The following DNAI3 variants were observed in gnomAD, a reference collection of about 807,000 sequenced individuals.
The protein encoded by DNAI3 is dynein axonemal intermediate chain 3.
A neutral mutation model predicts 115.5 loss-of-function variants in DNAI3; 83 were observed. The observed-to-expected ratio is 0.72, with a 90% confidence interval of 0.60 to 0.86. The LOEUF (loss-of-function observed/expected upper bound fraction) is 0.86, where lower values mean the gene tolerates loss of function less well. Among genes scored for constraint, DNAI3 ranks in the 40% least tolerant of loss-of-function variants. The pLI is 0.00. For synonymous variants in DNAI3, 320 were observed against 347.0 expected (o/e 0.92, Z 0.86); for missense variants, 1,004 against 1,075.8 (o/e 0.93, Z 0.93).
intron 3 of DNAI3, 117 bp from the exon 4 acceptor site, chr1:85,081,117 T>C (rs1309125987): frequency 2.5e-6 from 2 of 796,740 alleles, no homozygotes; most frequent in Non-Finnish European, 3.6e-6. Context: ...GAATAATAAT[T>C]TTAAAGTCTT....
intron 3 of DNAI3, among the ~76,000 whole-genome samples, chr1:85,078,944 G>A (rs543994171): frequency 8.5e-5 from 13 of 152,220 alleles, no homozygotes; most frequent in Non-Finnish European, 1.8e-4. Flanking sequence ...AGTAGAATTC[G>A]AAGTGTGTGT....
intron 3 of DNAI3, among the ~76,000 whole-genome samples, chr1:85,077,870 A>T (rs905727523): frequency 7.6e-5 from 11 of 144,814 alleles, no homozygotes; most frequent in African/African-American, 2.8e-4. Context: ...TAGCAACCAA[A>T]ATGTTAAAAA....
At position 85,117,741 on chromosome 1, in the gene DNAI3, C is replaced by T. The variant is rs1310507374; in HGVS notation, c.1799C>T (p.Ala600Val). Residue 600 changes from alanine (A) to valine (V), a missense_variant, in exon 17 of 23, where the codon GCA becomes GTA. Physicochemically the swap from Ala to Val is moderately conservative, Grantham distance 64 (BLOSUM62 0). This residue lies in a region of DNAI3 where 429 missense variants were observed against 454.3 expected (regional missense o/e 0.94). Transcript: ENST00000294664. ...ACTCCTCTGAAAGACAAAATGTTAG[C>T]ACAGAGCAAAACAGAGAAGGCAGAA... ...LLCKTQDKMLAQSKTEKAEEM... is the reference protein window; with the variant it reads ...LLCKTQDKMLVQSKTEKAEEM... 6.2e-7 allele frequency: 1 copy of T among 1,613,426 alleles called. No individual in the cohort carries two copies. Among genetic ancestry groups the T allele is most frequent in the Admixed American group, 1.7e-5 (1 of 60,002 alleles).
At chr1:85,064,010 A>G (rs1008642910) in intron 1 of DNAI3, among the ~76,000 whole-genome samples, 11 of 152,232 alleles carry the variant, frequency 7.2e-5, no homozygotes, top group African/African-American at 2.7e-4. Context: ...TTACCTCACA[A>G]TTAAGGTAGT....
chr1:85,105,841 C>T, intron 14 of DNAI3, among the ~76,000 whole-genome samples: 1 of 152,158 alleles, frequency 6.6e-6, no homozygotes, highest in South Asian at 2.1e-4. Context: ...GTGCCTGGCT[C>T]CTACTGTATC....
chr1:85,096,166 A>G (rs564152162), intron 11 of DNAI3, 146 bp downstream of exon 11: 2 of 697,926 alleles, frequency 2.9e-6, no homozygotes, highest in African/African-American at 3.5e-5. Flanking sequence ...ACCAGGAAGC[A>G]GGGTATAGAG....
chr1:85,132,573 C>G (rs888385736), intron 22 of DNAI3, among the ~76,000 whole-genome samples: 3 of 152,140 alleles, frequency 2.0e-5, no homozygotes, highest in East Asian at 3.9e-4. Context: ...TAGTCACCCT[C>G]CAGTCTACAT....
chr1:85,122,860 CA>C (rs760358302), intron 18 of DNAI3, among the ~76,000 whole-genome samples: 11 of 152,134 alleles, frequency 7.2e-5, no homozygotes, highest in Admixed American at 2.0e-4. Flanking sequence ...TTGTGGGCAA[CA>C]AGAAATTAGG....
At chr1:85,086,083 G>A in intron 7 of DNAI3, 53 bp downstream of exon 7, 1 of 1,522,376 alleles carries the variant, frequency 6.6e-7, no homozygotes, top group Non-Finnish European at 9.0e-7. Flanking sequence ...GTAAAATCTA[G>A]TAACTTCCAT....
At chr1:85,102,071 T>C (rs2100590706) in intron 13 of DNAI3, among the ~76,000 whole-genome samples, 1 of 151,788 alleles carries the variant, frequency 6.6e-6, no homozygotes, top group African/African-American at 2.4e-5. Flanking sequence ...ATGAGAGGGA[T>C]AAAGAGAGGT....
At position 85,093,642 on chromosome 1, in the gene DNAI3, A is replaced by C. The variant is rs994046241; in HGVS notation, c.1042A>C (p.Ile348Leu). The C allele has an allele frequency of 6.2e-7, 1 of 1,613,742 alleles. No individual in the cohort carries two copies. Among genetic ancestry groups the C allele is most frequent in the Non-Finnish European group, 8.5e-7 (1 of 1,179,630 alleles). ...MITCVSWHPT[I>L]YGLIAVSVAV... Reference sequence around the variant, plus strand: ...TACCTGTGTCTCATGGCATCCAACTATCTATGGTGAGATGGAAATGATGGG... The same window carrying C: ...TACCTGTGTCTCATGGCATCCAACTCTCTATGGTGAGATGGAAATGATGGG... The change falls in exon 9 of 23, where the codon ATC becomes CTC. Residue 348 changes from isoleucine to leucine, a missense_variant. Physicochemically the swap from Ile to Leu is conservative, Grantham distance 5. Around this residue, in one of 3 missense-constraint regions of DNAI3, gnomAD observed 550 missense variants for 568.1 expected, o/e 0.97. Transcript: ENST00000294664.
chr1:85,087,734 A>G (rs977514684), intron 7 of DNAI3, among the ~76,000 whole-genome samples: 4 of 152,214 alleles, frequency 2.6e-5, no homozygotes, highest in African/African-American at 4.8e-5. Flanking sequence ...TAGGTAAGGA[A>G]GAATGTGCAG....
Position 85,129,914 on chromosome 1 carries a change from A to C in DNAI3, c.2410-76A>C, listed in dbSNP as rs1300232038. On this transcript the variant is annotated intron_variant, in intron 21 of 22. Transcript: ENST00000294664. Reference sequence around the variant, plus strand: ...TCGTCTACCTAATTACAAGCAGCAGAAATTCTAACAGAGCCTTGTAAAGGT... The same window carrying C: ...TCGTCTACCTAATTACAAGCAGCAGCAATTCTAACAGAGCCTTGTAAAGGT... The C allele has an allele frequency of 4.7e-6, 7 of 1,502,566 alleles. No individual in the cohort carries two copies. In the East Asian group the frequency reaches 7.0e-5, roughly 15 times the overall value. The allele number at this position is 1,502,566 out of a possible 1,614,324, so 93.1% of individuals were successfully genotyped here. A position where few individuals can be genotyped will look rare whatever the true frequency, so the allele number is the denominator to read the frequency against.
At chr1:85,097,689 T>C (rs543564360) in intron 12 of DNAI3, 34 bp downstream of exon 12, 5 of 1,580,862 alleles carry the variant, frequency 3.2e-6, no homozygotes, top group African/African-American at 2.7e-5. Context: ...TTGCAAGTTT[T>C]TTCCATTGAA....
At chr1:85,105,550 A>T (rs1048813365) in intron 14 of DNAI3, among the ~76,000 whole-genome samples, 4 of 150,786 alleles carry the variant, frequency 2.7e-5, no homozygotes, top group South Asian at 2.1e-4. Flanking sequence ...AAGAAAAAGA[A>T]AAAGAAAGAA....
intron 16 of DNAI3, among the ~76,000 whole-genome samples, chr1:85,113,659 A>G (rs1386371335): frequency 6.6e-6 from 1 of 151,530 alleles, no homozygotes; most frequent in Non-Finnish European, 1.5e-5. Flanking sequence ...TTTTCAAAGT[A>G]GTTTTTGACT....
intron 20 of DNAI3, among the ~76,000 whole-genome samples, chr1:85,127,080 A>G (rs1365482201): frequency 6.6e-6 from 1 of 152,012 alleles, no homozygotes; most frequent in East Asian, 1.9e-4. Context: ...GATCTTTGTT[A>G]TCTTTTGCTG....
chr1:85,089,745 G>T (rs975067045), intron 7 of DNAI3, among the ~76,000 whole-genome samples: 2 of 151,888 alleles, frequency 1.3e-5, no homozygotes, highest in Non-Finnish European at 2.9e-5. Flanking sequence ...GGTGGACACT[G>T]ACTTAGTGAA....
At chr1:85,102,626 A>G (rs1453050948) in intron 13 of DNAI3, among the ~76,000 whole-genome samples, 1 of 152,236 alleles carries the variant, frequency 6.6e-6, no homozygotes, top group African/African-American at 2.4e-5. Context: ...TGATTTCAAC[A>G]TAAAACTTTT....
Sources: allele counts gnomAD v4.1 joint callset (sites outside exome capture counted in the v4.1 genomes callset), GRCh38; gene constraint gnomAD v4.1.1; regional missense constraint gnomAD v4.1.1; transcripts MANE v1.5; gene names NCBI Gene and HGNC (gene_info 2026-07-23, HGNC 2026-07-21).